ADGRG7: variants seen among roughly 807,000 people sequenced by gnomAD.
ADGRG7 encodes adhesion G protein-coupled receptor G7, also known as G-protein coupled receptor 128.
Under a neutral mutation model 88.6 loss-of-function variants are expected in ADGRG7, and 82 were observed. That is an observed-to-expected ratio of 0.93 (90% CI 0.77 to 1.11). The LOEUF is 1.11. Among genes scored for constraint, ADGRG7 ranks in the 50% most tolerant of loss-of-function variants. The pLI is 0.00. For synonymous variants in ADGRG7, 381 were observed against 345.2 expected, an observed-to-expected ratio of 1.10 and a Z score of -1.15; for missense variants, 945 against 953.4, an observed-to-expected ratio of 0.99 and a Z score of 0.12.
At chr3:100,635,054 G>A (rs1707515316) in intron 4 of ADGRG7, among the ~76,000 whole-genome samples, 2 of 150,480 alleles carry the variant, frequency 1.3e-5, no homozygotes, top group Admixed American at 1.3e-4. Context: ...CGCGCGCATG[G>A]ACACCCAGCT....
At chr3:100,619,332 A>G (rs1363996529) in intron 1 of ADGRG7, among the ~76,000 whole-genome samples, 2 of 152,248 alleles carry the variant, frequency 1.3e-5, no homozygotes, top group African/African-American at 2.4e-5. Context: ...AAATGAAGGC[A>G]GAAATAAAGA....
intron 8 of ADGRG7, 67 bp from the exon 9 acceptor site, chr3:100,645,878 G>T: frequency 1.5e-6 from 2 of 1,376,336 alleles, no homozygotes; most frequent in Non-Finnish European, 2.0e-6. Flanking sequence ...CTACAATAAC[G>T]TGACATATTG....
At chr3:100,678,420 G>T (rs1185259799) in intron 15 of ADGRG7, among the ~76,000 whole-genome samples, 2 of 152,042 alleles carry the variant, frequency 1.3e-5, no homozygotes, top group African/African-American at 4.8e-5. Flanking sequence ...GTCTCTCTGG[G>T]ATTGGTCACT....
intron 1 of ADGRG7, among the ~76,000 whole-genome samples, chr3:100,623,534 T>A (rs116703933): frequency 0.011 from 1,732 of 152,170 alleles, 37 homozygotes; most frequent in African/African-American, 0.039. Context: ...TTCCAATTTT[T>A]AAAAAAAATT....
chr3:100,629,273 C>A (rs1041025410), intron 1 of ADGRG7, among the ~76,000 whole-genome samples: 2 of 96,850 alleles, frequency 2.1e-5, no homozygotes, highest in African/African-American at 3.1e-5. Context: ...TTGACTCTAT[C>A]TATCTATCTA....
intron 4 of ADGRG7, among the ~76,000 whole-genome samples, chr3:100,635,247 T>C (rs73145111): frequency 0.013 from 1,977 of 152,068 alleles, 19 homozygotes; most frequent in Non-Finnish European, 0.02. Context: ...AATAAATTAC[T>C]GGAAAAATGA....
At chr3:100,689,770 A>T (rs7622313) in intron 15 of ADGRG7, among the ~76,000 whole-genome samples, 3 of 151,978 alleles carry the variant, frequency 2.0e-5, no homozygotes, top group African/African-American at 7.2e-5. Context: ...GCTTCCCTTT[A>T]TGGGTAACCC....
chr3:100,664,183 A>G (rs1559684689), intron 14 of ADGRG7, among the ~76,000 whole-genome samples: 1 of 152,136 alleles, frequency 6.6e-6, no homozygotes, highest in East Asian at 1.9e-4. Flanking sequence ...TAATTTCACC[A>G]AATCTGGAAT....
At chr3:100,665,318 T>G (rs1382929186) in intron 14 of ADGRG7, 80 of 540,728 alleles carry the variant, frequency 1.5e-4, no homozygotes, top group Non-Finnish European at 1.0e-4. Flanking sequence ...TAAGTTCATC[T>G]GGTGAAATAC....
intron 15 of ADGRG7, among the ~76,000 whole-genome samples, chr3:100,681,908 C>G (rs1333274006): frequency 6.6e-6 from 1 of 152,202 alleles, no homozygotes; most frequent in Non-Finnish European, 1.5e-5. Context: ...AAAGCTCACT[C>G]CTGAAACTCC....
chr3:100,638,663 C>T (rs918208799), intron 6 of ADGRG7, among the ~76,000 whole-genome samples: 6 of 152,116 alleles, frequency 3.9e-5, no homozygotes, highest in Non-Finnish European at 7.4e-5. Flanking sequence ...GGGATCCACC[C>T]TTGTCTGCTT....
At chr3:100,646,509 T>A in intron 9 of ADGRG7, 60 bp from the exon 10 acceptor site, 1 of 1,405,836 alleles carries the variant, frequency 7.1e-7, no homozygotes, top group Non-Finnish European at 9.9e-7. Context: ...ACTACTTGAT[T>A]TTTTTTAACC....
Position 100,633,316 on chromosome 3 carries a change from TA to T in ADGRG7, c.387del (p.Ile129MetfsTer6). The T allele has an allele frequency of 9.4e-6, 15 of 1,590,172 alleles. No individual in the cohort carries two copies. The highest frequency in any genetic ancestry group is 1.3e-5 in the Non-Finnish European group (15 of 1,167,542). On this transcript the variant is annotated frameshift_variant, in exon 4 of 16. Coordinates refer to ENST00000273352, the MANE Select transcript of ADGRG7 (RefSeq NM_032787.3). LOFTEE classifies it high-confidence loss of function. Reference protein sequence around the residue: ...RLCSLSLYGEIELQKVTIGNC... With the variant: ...RLCSLSLYGEXELQKVTIGNC... ...TGCAGTCTCTCTCTATATGGAGAGATAGAATTACAAAAAGTGACAATAGGAA... is the reference window on the plus strand; with the variant it reads ...TGCAGTCTCTCTCTATATGGAGAGATGAATTACAAAAAGTGACAATAGGAA...
chr3:100,633,130 G>T (rs1707478857), intron 3 of ADGRG7, 135 bp from the exon 4 acceptor site: 1 of 404,136 alleles, frequency 2.5e-6, no homozygotes, highest in African/African-American at 2.1e-5. Flanking sequence ...ATAATAAGTG[G>T]TATCTGCCTA....
intron 14 of ADGRG7, among the ~76,000 whole-genome samples, chr3:100,663,865 T>C (rs1401789689): frequency 6.6e-6 from 1 of 152,028 alleles, no homozygotes; most frequent in Non-Finnish European, 1.5e-5. Flanking sequence ...ATGCCAAGAA[T>C]ACCATCATCT....
chr3:100,643,796 C>T (rs189816918), intron 8 of ADGRG7, among the ~76,000 whole-genome samples, 163 bp downstream of exon 8: 2 of 152,302 alleles, frequency 1.3e-5, no homozygotes, highest in East Asian at 3.9e-4. Flanking sequence ...CTCAACTCTA[C>T]TATTCTAAGT....
intron 15 of ADGRG7, among the ~76,000 whole-genome samples, chr3:100,693,630 T>C (rs1452852830): frequency 1.2e-4 from 18 of 152,210 alleles, no homozygotes; most frequent in Admixed American, 1.2e-3. Context: ...TAGATGCTAA[T>C]GTGGGAGACA....
chr3:100,678,359 T>A (rs2094968417), intron 15 of ADGRG7, among the ~76,000 whole-genome samples: 2 of 152,180 alleles, frequency 1.3e-5, no homozygotes. Context: ...TTTGTTGTGC[T>A]TCCTCAAAAT....
intron 1 of ADGRG7, among the ~76,000 whole-genome samples, chr3:100,622,740 T>A (rs1356660315): frequency 1.3e-5 from 2 of 152,090 alleles, no homozygotes; most frequent in Non-Finnish European, 2.9e-5. Flanking sequence ...TCTCCCAGTT[T>A]GTGGCTTCCA....
Sources: allele counts gnomAD v4.1 joint callset (sites outside exome capture counted in the v4.1 genomes callset), GRCh38; gene constraint gnomAD v4.1.1; transcripts MANE v1.5; gene names NCBI Gene and HGNC (gene_info 2026-07-23, HGNC 2026-07-21).